ZFAT: variants seen among roughly 807,000 people sequenced by gnomAD.
ZFAT encodes the protein zinc finger protein ZFAT.
A neutral mutation model predicts 117.7 loss-of-function variants in ZFAT; 64 were observed. The observed-to-expected ratio is 0.54, with a 90% CI of 0.44 to 0.67. The LOEUF is 0.67. Ranked by LOEUF, ZFAT falls within the 30% of genes least tolerant of loss-of-function variation. The pLI, the probability that ZFAT is intolerant of heterozygous loss-of-function variation, is 0.00. For synonymous variants in ZFAT, 679 were observed against 615.0 expected (o/e 1.10, Z -1.54); for missense variants, 1,433 against 1,584.5 (o/e 0.90, Z 1.62).
intron 5 of ZFAT, among the ~76,000 whole-genome samples, chr8:134,607,157 CG>C (rs1214613392): frequency 2.0e-5 from 3 of 152,100 alleles, no homozygotes; most frequent in African/African-American, 7.2e-5. Flanking sequence ...TGAACCTCCC[CG>C]CCAACAGACC....
At chr8:134,483,634 C>T (rs920690669) in intron 15 of ZFAT, among the ~76,000 whole-genome samples, 1 of 152,148 alleles carries the variant, frequency 6.6e-6, no homozygotes, top group South Asian at 2.1e-4. Flanking sequence ...CCCCAAATGC[C>T]GTATCTAACA....
chr8:134,685,061 CGCT>C (rs1833255219), intron 1 of ZFAT, among the ~76,000 whole-genome samples: 1 of 151,498 alleles, frequency 6.6e-6, no homozygotes, highest in Admixed American at 6.6e-5. Context: ...GAGGTGTTTA[CGCT>C]GCCTCCTGTT....
chr8:134,503,615 C>T (rs1022207342), intron 15 of ZFAT, among the ~76,000 whole-genome samples: 35 of 152,094 alleles, frequency 2.3e-4, no homozygotes, highest in African/African-American at 8.5e-4. Flanking sequence ...AAGCAAATGG[C>T]CCTCCCTAGT....
At chr8:134,630,837 T>C (rs918267946) in intron 3 of ZFAT, among the ~76,000 whole-genome samples, 3 of 152,244 alleles carry the variant, frequency 2.0e-5, no homozygotes, top group African/African-American at 7.2e-5. Context: ...AAGTTTATTT[T>C]GTTTTCTTCT....
At chr8:134,653,512 C>G (rs1323448976) in intron 2 of ZFAT, among the ~76,000 whole-genome samples, 1 of 148,374 alleles carries the variant, frequency 6.7e-6, no homozygotes, top group East Asian at 2.0e-4. Context: ...TGATCCTCCT[C>G]CCTCAACTTC....
chr8:134,580,473 T>C (rs1825641801), intron 10 of ZFAT, among the ~76,000 whole-genome samples: 1 of 152,180 alleles, frequency 6.6e-6, no homozygotes, highest in African/African-American at 2.4e-5. Flanking sequence ...ACAGACATCC[T>C]CAAAGAGCTC....
upstream of ZFAT, among the ~76,000 whole-genome samples, chr8:134,717,588 A>G (rs558186950): frequency 5.6e-4 from 79 of 140,848 alleles, 1 homozygote; most frequent in African/African-American, 2.0e-3. Flanking sequence ...GGTTCATGCC[A>G]TTCTCCTGCT....
At chr8:134,686,464 T>C (rs758447915) in intron 1 of ZFAT, among the ~76,000 whole-genome samples, 1 of 152,216 alleles carries the variant, frequency 6.6e-6, no homozygotes, top group Non-Finnish European at 1.5e-5. Context: ...ACTAAGCTGT[T>C]TATCCTATGC....
chr8:134,644,755 C>T lies in ZFAT; in HGVS notation c.197-7043G>A, dbSNP rs573911376. On this transcript the variant is annotated intron_variant, in intron 2 of 15. Transcript: ENST00000377838. Reference sequence around the variant, plus strand: ...ACGTGCCCATATTCACAATCACACACACATGTATACTCACAATGTGCCCAG... The same window carrying T: ...ACGTGCCCATATTCACAATCACACATACATGTATACTCACAATGTGCCCAG... 2.0e-5 allele frequency among the ~76,000 whole-genome samples: 3 copies of T among 152,074 alleles called. No individual in the cohort carries two copies. The East Asian group carries it at 5.8e-4, about 29-fold the overall frequency.
chr8:134,710,048 C>A (rs905871477), intron 1 of ZFAT, among the ~76,000 whole-genome samples: 1 of 152,214 alleles, frequency 6.6e-6, no homozygotes, highest in East Asian at 1.9e-4. Flanking sequence ...GATCTTTTCT[C>A]ATTTGGTACA....
At chr8:134,635,844 T>C (rs73711285) in intron 3 of ZFAT, among the ~76,000 whole-genome samples, 1 of 152,276 alleles carries the variant, frequency 6.6e-6, no homozygotes, top group African/African-American at 2.4e-5. Flanking sequence ...AAAAGGACTT[T>C]AGGTTCTGAA....
At chr8:134,703,461 A>G (rs1834069050) in intron 1 of ZFAT, among the ~76,000 whole-genome samples, 1 of 152,200 alleles carries the variant, frequency 6.6e-6, no homozygotes, top group African/African-American at 2.4e-5. Context: ...GTGGCCACCT[A>G]ACGGCTCATG....
the ZFAT span, among the ~76,000 whole-genome samples, chr8:134,791,599 A>G: frequency 2.0e-5 from 3 of 152,198 alleles, no homozygotes; most frequent in Non-Finnish European, 4.4e-5. Context: ...TGGTGGTAGG[A>G]TAATTTATGT....
chr8:134,711,309 T>C (rs780199302), intron 1 of ZFAT, among the ~76,000 whole-genome samples: 6 of 152,232 alleles, frequency 3.9e-5, no homozygotes, highest in East Asian at 1.9e-4. Flanking sequence ...CGAGGTCAGA[T>C]AGAAAATTTT....
At chr8:134,667,268 C>A (rs1272494479) in intron 1 of ZFAT, among the ~76,000 whole-genome samples, 2 of 151,940 alleles carry the variant, frequency 1.3e-5, no homozygotes, top group African/African-American at 4.8e-5. Flanking sequence ...CCGAGATGGG[C>A]GGATCAGAGG....
intron 15 of ZFAT, among the ~76,000 whole-genome samples, chr8:134,479,690 T>C (rs894630149): frequency 6.6e-6 from 1 of 152,134 alleles, no homozygotes; most frequent in African/African-American, 2.4e-5. Flanking sequence ...CCCATTCATT[T>C]CCAGGTGAGT....
chr8:134,719,734 G>T, the ZFAT span, among the ~76,000 whole-genome samples: 1 of 152,188 alleles, frequency 6.6e-6, no homozygotes, highest in Non-Finnish European at 1.5e-5. Context: ...ATCGCTTCCA[G>T]CTGTGAATGT....
chr8:134,618,974 G>A (rs1320476425), intron 3 of ZFAT, among the ~76,000 whole-genome samples: 1 of 152,152 alleles, frequency 6.6e-6, no homozygotes, highest in Non-Finnish European at 1.5e-5. Flanking sequence ...CACACAGCAC[G>A]TTAGAAGGTA....
At chr8:134,540,220 G>A (rs1017810112) in intron 11 of ZFAT, among the ~76,000 whole-genome samples, 4 of 152,212 alleles carry the variant, frequency 2.6e-5, no homozygotes. Flanking sequence ...AAGGAGATGG[G>A]CTCGGAAGAA....
Sources: gnomAD v4.1 joint callset for allele counts (sites outside exome capture counted in the v4.1 genomes callset) on GRCh38, gnomAD v4.1.1 for gene constraint, MANE v1.5 for transcripts, NCBI Gene and HGNC (gene_info 2026-07-23, HGNC 2026-07-21) for gene names.